The following RBFOX3 variants were observed in gnomAD, a reference collection of about 807,000 sequenced individuals.
The protein encoded by RBFOX3 is RNA binding protein fox-1 homolog 3.
Under a neutral mutation model 48.7 loss-of-function variants are expected in RBFOX3, and 17 were observed. The observed-to-expected ratio is 0.35, with a 90% CI of 0.24 to 0.52. The LOEUF (loss-of-function observed/expected upper bound fraction) is 0.52, where lower values mean the gene tolerates loss of function less well. Ranked by LOEUF, RBFOX3 falls within the 20% of genes least tolerant of loss-of-function variation. RBFOX3 has a pLI of 0.94. For missense variants in RBFOX3, 382 were observed against 497.5 expected, an observed-to-expected ratio of 0.77 and a Z score of 2.21; for synonymous variants, 212 against 209.5, an observed-to-expected ratio of 1.01 and a Z score of -0.10.
intron 4 of RBFOX3, among the ~76,000 whole-genome samples, chr17:79,142,487 G>A (rs2042106207): frequency 1.3e-5 from 2 of 152,118 alleles, no homozygotes; most frequent in Non-Finnish European, 2.9e-5. Flanking sequence ...GCCCTCCCCA[G>A]CCTGCTGACC....
chr17:79,441,882 C>T (rs2070995265), intron 2 of RBFOX3, among the ~76,000 whole-genome samples: 1 of 152,046 alleles, frequency 6.6e-6, no homozygotes, highest in Non-Finnish European at 1.5e-5. Flanking sequence ...CAGGTGAAAT[C>T]AAGGGTCTCA....
At chr17:79,526,580 G>A (rs1856208584) in intron 1 of RBFOX3, among the ~76,000 whole-genome samples, 1 of 152,224 alleles carries the variant, frequency 6.6e-6, no homozygotes, top group Non-Finnish European at 1.5e-5. Flanking sequence ...CAAGGGGTCA[G>A]AGCAGAGGAC....
Position 79,095,504 on chromosome 17 carries a change from C to CG in RBFOX3, c.998+8dup. 6.4e-7 allele frequency: 1 copy of CG among 1,550,512 alleles called. No homozygotes were observed. The highest frequency in any genetic ancestry group is 1.2e-5 in the South Asian group (1 of 83,912). On this transcript the variant is annotated intron_variant, in intron 13 of 14. Transcript: ENST00000693108. ...CCTGCTCCAGAACAGTGCTGGCCCC[C>CG]GGCCTCACCTGTCGCTGTAGGCTGC...
intron 4 of RBFOX3, among the ~76,000 whole-genome samples, chr17:79,165,317 T>A (rs1191504848): frequency 6.6e-6 from 1 of 152,168 alleles, no homozygotes; most frequent in Middle Eastern, 3.2e-3. Flanking sequence ...AGTTAATTAG[T>A]CTAATTAGGT....
At chr17:79,466,873 A>C (rs1396115805) in intron 2 of RBFOX3, among the ~76,000 whole-genome samples, 1 of 152,090 alleles carries the variant, frequency 6.6e-6, no homozygotes. Flanking sequence ...CCACACGACC[A>C]GGTGTGAAGA....
At chr17:79,461,692 G>C (rs1223773035) in intron 2 of RBFOX3, among the ~76,000 whole-genome samples, 2 of 152,214 alleles carry the variant, frequency 1.3e-5, no homozygotes, top group Non-Finnish European at 2.9e-5. Flanking sequence ...AACAGGGTCT[G>C]CACAGATGTC....
At chr17:79,532,884 G>A (rs1356150273) in intron 1 of RBFOX3, among the ~76,000 whole-genome samples, 2 of 152,198 alleles carry the variant, frequency 1.3e-5, no homozygotes, top group African/African-American at 2.4e-5. Flanking sequence ...GGCCCCTGTC[G>A]AAACTGCTCT....
Position 79,361,574 on chromosome 17 carries a change from G to A in RBFOX3, c.-174-53750C>T, listed in dbSNP as rs2086362703. Among the ~76,000 whole-genome samples, 1 of 152,170 alleles carries A rather than the reference G, an allele frequency of 6.6e-6. No homozygotes were observed. The highest frequency in any genetic ancestry group is 6.5e-5 in the Admixed American group (1 of 15,276). On this transcript the variant is annotated intron_variant, in intron 2 of 14. Coordinates refer to ENST00000693108, the MANE Select transcript of RBFOX3 (RefSeq NM_001350451.2). This position sits in a 1 kb window ranked among gnomAD's most constrained non-coding sequence, Gnocchi z 4.5. ...CCCAGCTGATCAGCAGCTCTGCCAG[G>A]CACTGTCCAGGGCTTCCCTAAGGGA...
At chr17:79,586,514 G>T (rs1044578914) in intron 1 of RBFOX3, among the ~76,000 whole-genome samples, 1 of 152,180 alleles carries the variant, frequency 6.6e-6, no homozygotes, top group Non-Finnish European at 1.5e-5. Flanking sequence ...TGCGGCAGTC[G>T]CTGACTGGTA....
intron 5 of RBFOX3, among the ~76,000 whole-genome samples, chr17:79,112,030 T>C (rs1285295813): frequency 1.3e-5 from 2 of 152,242 alleles, no homozygotes; most frequent in Non-Finnish European, 2.9e-5. Flanking sequence ...TCTTGTCACA[T>C]GTCCCTTCCC....
intron 1 of RBFOX3, among the ~76,000 whole-genome samples, chr17:79,494,820 C>G (rs2081202138): frequency 6.6e-6 from 1 of 152,178 alleles, no homozygotes; most frequent in Admixed American, 6.5e-5. Context: ...GGCACAGTCA[C>G]CAACACCAGC....
chr17:79,198,177 C>T lies in RBFOX3; in HGVS notation c.-34+37589G>A, dbSNP rs189338228. On this transcript the variant is annotated intron_variant, in intron 4 of 14. Transcript: ENST00000693108. This position sits in a 1 kb window ranked among gnomAD's most constrained non-coding sequence, Gnocchi z 8.2. ...GTGGGCTGTCATCCCGGAAGTGCTA[C>T]GGTTGCATCGCTGGACCATCCTCAA... is the stretch of plus-strand genomic sequence containing the variant. Among the ~76,000 whole-genome samples the T allele has an allele frequency of 5.5e-4, 83 of 151,602 alleles. No individual in the cohort carries two copies. The highest frequency in any genetic ancestry group is 1.1e-3 in the Admixed American group (17 of 15,186).
chr17:79,176,710 TC>T (rs1318880440), intron 4 of RBFOX3, among the ~76,000 whole-genome samples: 2 of 151,768 alleles, frequency 1.3e-5, no homozygotes, highest in Non-Finnish European at 2.9e-5. Flanking sequence ...GCTGGAATCT[TC>T]CGGGAGGAAG....
intron 1 of RBFOX3, among the ~76,000 whole-genome samples, chr17:79,537,216 A>G (rs1431786025): frequency 6.6e-6 from 1 of 151,764 alleles, no homozygotes; most frequent in Non-Finnish European, 1.5e-5. Flanking sequence ...TCCAGATTCT[A>G]AGGCTCCTCC....
intron 4 of RBFOX3, among the ~76,000 whole-genome samples, chr17:79,141,516 T>G (rs941982176): frequency 6.0e-5 from 9 of 150,992 alleles, no homozygotes; most frequent in African/African-American, 2.0e-4. Context: ...GGGGTCAGCA[T>G]GGGGCCTGAG....
chr17:79,283,614 T>A (rs1376839176), intron 3 of RBFOX3, among the ~76,000 whole-genome samples: 1 of 152,224 alleles, frequency 6.6e-6, no homozygotes, highest in Non-Finnish European at 1.5e-5. Flanking sequence ...AGATTTGTTG[T>A]GTGTGCTTGT....
chr17:79,647,172 C>T, the RBFOX3 span, among the ~76,000 whole-genome samples: 1 of 152,094 alleles, frequency 6.6e-6, no homozygotes, highest in African/African-American at 2.4e-5. Context: ...CCCAGCCATG[C>T]CCAGCAACAG....
At chr17:79,416,912 G>A (rs2065460262) in intron 2 of RBFOX3, among the ~76,000 whole-genome samples, 1 of 152,246 alleles carries the variant, frequency 6.6e-6, no homozygotes, top group Non-Finnish European at 1.5e-5. Flanking sequence ...GCACCTGGCT[G>A]GCAGGTTGGG....
intron 2 of RBFOX3, among the ~76,000 whole-genome samples, chr17:79,320,757 G>A (rs1299130358): frequency 6.6e-6 from 1 of 151,976 alleles, no homozygotes; most frequent in African/African-American, 2.4e-5. Context: ...CTCTCGGTGT[G>A]AGTCTGTCTT....
Sources: gnomAD v4.1 joint callset for allele counts (sites outside exome capture counted in the v4.1 genomes callset) on GRCh38, gnomAD v4.1.1 for gene constraint, Gnocchi (gnomAD v3.1) non-coding constraint, MANE v1.5 for transcripts, NCBI Gene and HGNC (gene_info 2026-07-23, HGNC 2026-07-21) for gene names.